TBC1D1: variants seen among roughly 807,000 people sequenced by gnomAD.
TBC1D1 encodes TBC1 domain family member 1.
TBC1D1 carries 89 observed loss-of-function variants against 125.6 expected under a neutral mutation model. The observed-to-expected ratio is 0.71, with a 90% CI of 0.60 to 0.85. TBC1D1 has a LOEUF of 0.85. Among genes scored for constraint, TBC1D1 ranks in the 40% least tolerant of loss-of-function variants. The probability of loss-of-function intolerance (pLI) is 0.00; values close to 1 mark genes in which losing one functional copy is unlikely to be tolerated. For missense variants in TBC1D1, 1,377 were observed against 1,469.2 expected, an observed-to-expected ratio of 0.94 and a Z score of 1.03; for synonymous variants, 565 against 564.1, an observed-to-expected ratio of 1.00 and a Z score of -0.02.
At chr4:38,068,561 G>A (rs1263389616) in intron 12 of TBC1D1, among the ~76,000 whole-genome samples, 4 of 152,200 alleles carry the variant, frequency 2.6e-5, no homozygotes, top group East Asian at 3.8e-4. Context: ...CCGATGGAGA[G>A]CGTCTTACTG....
Position 38,137,895 on chromosome 4 carries a change from A to G in TBC1D1, c.*560A>G, listed in dbSNP as rs1766901805. 1 of 152,718 alleles carries G rather than the reference A, an allele frequency of 6.5e-6. No individual in the cohort carries two copies. Among genetic ancestry groups the G allele is most frequent in the South Asian group, 2.1e-4 (1 of 4,832 alleles). The allele number at this position is 152,718 out of a possible 1,614,324, so 9.5% of individuals were successfully genotyped here. A position where few individuals can be genotyped will look rare whatever the true frequency, so the allele number is the denominator to read the frequency against. The stretch of plus-strand genomic sequence containing the variant: ...GGCTCAGAGGATAGCGGTTTCCATC[A>G]TAAACCAAGATGATGAGTTCAGCCT... On this transcript the variant is annotated 3_prime_UTR_variant, in exon 20 of 20. Coordinates refer to ENST00000261439, the MANE Select transcript of TBC1D1 (RefSeq NM_015173.4).
rs140029744 is a variant in TBC1D1 at position 38,049,878 on chromosome 4, A to G, written c.1890A>G (p.Thr630=). ...TTATGAGGTATCACTCAGTGAGCAC[A>G]GAGACGCCTCATGAACGAAAGTAAG... The change falls in exon 11 of 20, where the codon ACA becomes ACG. Residue 630 remains threonine (T), a synonymous_variant. Coordinates refer to ENST00000261439, the MANE Select transcript of TBC1D1 (RefSeq NM_015173.4). 4.9e-3 allele frequency: 7,855 copies of G among 1,609,970 alleles called. 39 individuals carry two copies. The highest frequency in any genetic ancestry group is 6.0e-3 in the Non-Finnish European group (7,041 of 1,178,062).
chr4:38,084,613 T>C (rs1757157127), intron 12 of TBC1D1, among the ~76,000 whole-genome samples: 1 of 152,254 alleles, frequency 6.6e-6, no homozygotes, highest in African/African-American at 2.4e-5. Flanking sequence ...CAGATGTTAA[T>C]CCCGTTGTTG....
At chr4:37,991,999 A>T (rs1300141168) in intron 2 of TBC1D1, among the ~76,000 whole-genome samples, 1 of 152,246 alleles carries the variant, frequency 6.6e-6, no homozygotes. Context: ...GTACAAACGG[A>T]ACTTACAGAG....
At chr4:37,917,149 C>T (rs1226364801) in intron 2 of TBC1D1, among the ~76,000 whole-genome samples, 1 of 151,916 alleles carries the variant, frequency 6.6e-6, no homozygotes, top group Non-Finnish European at 1.5e-5. Flanking sequence ...TGCTCATTTC[C>T]CCAAATACCT....
At position 38,082,281 on chromosome 4, in the gene TBC1D1, C is replaced by G. The variant is rs574718481; in HGVS notation, c.2051-7651C>G. On this transcript the variant is annotated intron_variant, in intron 12 of 19. Coordinates refer to ENST00000261439, the MANE Select transcript of TBC1D1 (RefSeq NM_015173.4). Reference sequence around the variant, plus strand: ...TGGGAAGTCCCTGGGGAGGCAAGGCCCAGCTTCCCAGACACAGCCCTCAGG... The same window carrying G: ...TGGGAAGTCCCTGGGGAGGCAAGGCGCAGCTTCCCAGACACAGCCCTCAGG... Among the ~76,000 whole-genome samples, 250 of 152,242 alleles carry G rather than the reference C, an allele frequency of 1.6e-3. 1 individual carries two copies. The highest frequency in any genetic ancestry group is 2.1e-3 in the Non-Finnish European group (146 of 68,014).
chr4:37,900,721 G>C (rs1351406523), intron 1 of TBC1D1, among the ~76,000 whole-genome samples: 1 of 152,118 alleles, frequency 6.6e-6, no homozygotes, highest in African/African-American at 2.4e-5. Context: ...TTGAACAAAA[G>C]GGTTTTGTCA....
intron 2 of TBC1D1, among the ~76,000 whole-genome samples, chr4:37,904,168 G>C (rs768909248): frequency 1.8e-4 from 27 of 152,172 alleles, no homozygotes; most frequent in Non-Finnish European, 3.8e-4. Context: ...CACTCGACCT[G>C]AAACTTAGTA....
At chr4:37,914,410 TC>T (rs1719267542) in intron 2 of TBC1D1, among the ~76,000 whole-genome samples, 1 of 152,152 alleles carries the variant, frequency 6.6e-6, no homozygotes, top group Admixed American at 6.5e-5. Context: ...CTAGGAGTCG[TC>T]TTCGATTTCT....
intron 12 of TBC1D1, among the ~76,000 whole-genome samples, chr4:38,084,137 T>C (rs373278330): frequency 2.7e-4 from 41 of 152,220 alleles, no homozygotes; most frequent in Admixed American, 5.9e-4. Context: ...GGTTTCACCG[T>C]GTTAGCCAGG....
At position 38,049,872 on chromosome 4, in the gene TBC1D1, G is replaced by C; in HGVS notation, c.1884G>C (p.Val628=). Residue 628 remains valine (V), a synonymous_variant, in exon 11 of 20, where the codon GTG becomes GTC. Coordinates refer to ENST00000261439, the MANE Select transcript of TBC1D1 (RefSeq NM_015173.4). The stretch of plus-strand genomic sequence containing the variant: ...GGAAACTTATGAGGTATCACTCAGT[G>C]AGCACAGAGACGCCTCATGAACGAA... 6.2e-7 allele frequency: 1 copy of C among 1,612,602 alleles called. No homozygotes were observed. Among genetic ancestry groups the C allele is most frequent in the Non-Finnish European group, 8.5e-7 (1 of 1,179,388 alleles).
At chr4:37,980,906 G>A (rs922368045) in intron 2 of TBC1D1, among the ~76,000 whole-genome samples, 2 of 151,962 alleles carry the variant, frequency 1.3e-5, no homozygotes, top group African/African-American at 2.4e-5. Context: ...GCACCCTGGA[G>A]ATTTGTAAAT....
chr4:38,086,504 C>A (rs1232345785), intron 12 of TBC1D1, among the ~76,000 whole-genome samples: 3 of 152,184 alleles, frequency 2.0e-5, no homozygotes, highest in Middle Eastern at 3.2e-3. Context: ...TACAGTGGAT[C>A]AGCTTTTATT....
chr4:38,100,564 G>A (rs1202610657), intron 14 of TBC1D1, among the ~76,000 whole-genome samples: 1 of 152,180 alleles, frequency 6.6e-6, no homozygotes, highest in Non-Finnish European at 1.5e-5. Context: ...ACAAGCTCCA[G>A]GGATTAGGAA....
At chr4:37,984,234 G>T (rs547896875) in intron 2 of TBC1D1, among the ~76,000 whole-genome samples, 116 of 152,200 alleles carry the variant, frequency 7.6e-4, no homozygotes, top group African/African-American at 2.5e-3. Flanking sequence ...TCTCTGTGTA[G>T]GTTTTTGTGT....
At chr4:38,064,631 T>C (rs1753357419) in intron 12 of TBC1D1, among the ~76,000 whole-genome samples, 1 of 151,328 alleles carries the variant, frequency 6.6e-6, no homozygotes, top group Non-Finnish European at 1.5e-5. Context: ...CATTTCTTTT[T>C]TTTTTTTTTT....
chr4:37,984,217 A>G (rs1224340583), intron 2 of TBC1D1, among the ~76,000 whole-genome samples: 2 of 152,176 alleles, frequency 1.3e-5, no homozygotes, highest in Non-Finnish European at 2.9e-5. Flanking sequence ...TAAAGCTACT[A>G]TAAACATCTC....
At chr4:38,050,684 C>T (rs890662195) in intron 11 of TBC1D1, among the ~76,000 whole-genome samples, 1 of 152,240 alleles carries the variant, frequency 6.6e-6, no homozygotes, top group Non-Finnish European at 1.5e-5. Flanking sequence ...TGTACAGTCG[C>T]TGCCTTCTTC....
intron 15 of TBC1D1, chr4:38,110,686 A>G (rs1762057266): frequency 1.0e-6 from 1 of 985,322 alleles, no homozygotes; most frequent in Admixed American, 6.1e-5. Context: ...ATGTGAAGGT[A>G]ATCTGCTTTA....
Sources: allele counts gnomAD v4.1 joint callset (sites outside exome capture counted in the v4.1 genomes callset), GRCh38; gene constraint gnomAD v4.1.1; transcripts MANE v1.5; gene names NCBI Gene and HGNC (gene_info 2026-07-23, HGNC 2026-07-21).